LURAP1: variants seen among roughly 807,000 people sequenced by gnomAD.
LURAP1 encodes leucine rich adaptor protein 1.
LURAP1 carries 14 observed loss-of-function variants against 19.0 expected under a neutral mutation model. The ratio of observed to expected loss-of-function variants is 0.74; its 90% CI spans 0.49 to 1.15. The LOEUF (loss-of-function observed/expected upper bound fraction) is 1.15, where lower values mean the gene tolerates loss of function less well. Ranked by LOEUF, LURAP1 falls within the 50% of genes most tolerant of loss-of-function variation. LURAP1 has a pLI of 0.00. For missense variants in LURAP1, 273 were observed against 309.1 expected (o/e 0.88, Z 0.87); for synonymous variants, 129 against 131.8 (o/e 0.98, Z 0.14).
chr1:46,213,888 C>T (rs1301314717), intron 1 of LURAP1, among the ~76,000 whole-genome samples: 1 of 151,884 alleles, frequency 6.6e-6, no homozygotes, highest in African/African-American at 2.4e-5. Flanking sequence ...GACTTTAGAC[C>T]TCCAATTAAA....
rs1158362303 is a variant in LURAP1 at position 46,220,125 on chromosome 1, G to A, written c.625G>A (p.Gly209Arg). Residue 209 changes from glycine to arginine, a missense_variant, in exon 2 of 2, where the codon GGA becomes AGA. Transcript: ENST00000371980. Reference protein sequence around the residue: ...WKPPGERLQGGPPESPEDESA... With the variant: ...WKPPGERLQGRPPESPEDESA... ...GCCCCCAGGGGAGAGGCTTCAAGGT[G>A]GACCACCTGAGTCACCAGAGGATGA... 6.2e-7 allele frequency: 1 copy of A among 1,614,074 alleles called. No homozygotes were observed. Among genetic ancestry groups the A allele is most frequent in the African/African-American group, 1.3e-5 (1 of 74,950 alleles).
intron 1 of LURAP1, among the ~76,000 whole-genome samples, chr1:46,215,485 C>T (rs1659037113): frequency 6.6e-6 from 1 of 152,120 alleles, no homozygotes; most frequent in Non-Finnish European, 1.5e-5. Flanking sequence ...GCTGTAAAAA[C>T]AGAACACTGG....
intron 1 of LURAP1, among the ~76,000 whole-genome samples, chr1:46,209,363 G>C (rs923200758): frequency 1.3e-5 from 2 of 152,014 alleles, no homozygotes; most frequent in Admixed American, 1.3e-4. Flanking sequence ...AGGTCTTAGG[G>C]GTTGGAAGCA....
chr1:46,218,682 A>T (rs1659139230), intron 1 of LURAP1, among the ~76,000 whole-genome samples: 2 of 152,194 alleles, frequency 1.3e-5, no homozygotes, highest in Admixed American at 1.3e-4. Flanking sequence ...TAGGGAAGGT[A>T]ACAGTGCATC....
At chr1:46,206,912 GGAT>G (rs538088015) in intron 1 of LURAP1, among the ~76,000 whole-genome samples, 297 of 152,298 alleles carry the variant, frequency 2.0e-3, no homozygotes, top group African/African-American at 6.9e-3. Context: ...TTCTAGTACA[GGAT>G]GATAAGTGCT....
intron 1 of LURAP1, among the ~76,000 whole-genome samples, chr1:46,211,547 T>C (rs75966046): frequency 0.028 from 4,272 of 152,226 alleles, 78 homozygotes; most frequent in South Asian, 0.044. Flanking sequence ...CTACCATTTA[T>C]TGATTTACAG....
chr1:46,209,537 CTTTTTT>C (rs55948355), intron 1 of LURAP1, among the ~76,000 whole-genome samples: 2 of 139,822 alleles, frequency 1.4e-5, no homozygotes, highest in Non-Finnish European at 3.1e-5. Context: ...TTGTTGTTTT[CTTTTTT>C]TTTTTCTTTT....
intron 1 of LURAP1, among the ~76,000 whole-genome samples, chr1:46,217,577 T>A (rs1382347582): frequency 6.6e-6 from 1 of 152,088 alleles, no homozygotes; most frequent in Non-Finnish European, 1.5e-5. Flanking sequence ...AAATCCTGCC[T>A]GGGCGTGGTG....
chr1:46,204,334 C>T (rs1215622831), intron 1 of LURAP1, among the ~76,000 whole-genome samples: 1 of 152,192 alleles, frequency 6.6e-6, no homozygotes, highest in Non-Finnish European at 1.5e-5. Context: ...CAACCCTCCC[C>T]TTTCTCTATT....
intron 1 of LURAP1, among the ~76,000 whole-genome samples, chr1:46,205,703 A>G (rs563386550): frequency 1.1e-4 from 16 of 152,300 alleles, no homozygotes; most frequent in African/African-American, 3.8e-4. Flanking sequence ...GAAAGGGCAC[A>G]AGGGAGGGAG....
chr1:46,210,201 C>T (rs1658850070), intron 1 of LURAP1, among the ~76,000 whole-genome samples: 1 of 152,106 alleles, frequency 6.6e-6, no homozygotes, highest in South Asian at 2.1e-4. Flanking sequence ...TCCAAAAACA[C>T]AAATAATTTC....
At position 46,220,367 on chromosome 1, in the gene LURAP1, C is replaced by A; in HGVS notation, c.*147C>A. 1 of 794,916 alleles carries A rather than the reference C, an allele frequency of 1.3e-6. No individual in the cohort carries two copies. Among genetic ancestry groups the A allele is most frequent in the Non-Finnish European group, 2.0e-6 (1 of 510,674 alleles). 49.2% of individuals were successfully genotyped at this position (794,916 alleles called of 1,614,324 possible). On this transcript the variant is annotated 3_prime_UTR_variant, in exon 2 of 2. Transcript: ENST00000371980. ...AAACCTGGCTCATCATTTCTCTAGT[C>A]CCTAGGGAGTCTCTGCCTTTATCCC... is the stretch of plus-strand genomic sequence containing the variant.
chr1:46,209,671 C>A (rs1212655103), intron 1 of LURAP1, among the ~76,000 whole-genome samples: 2 of 151,560 alleles, frequency 1.3e-5, no homozygotes, highest in Non-Finnish European at 1.5e-5. Flanking sequence ...CGCCACCACA[C>A]AGCTAATTTT....
intron 1 of LURAP1, among the ~76,000 whole-genome samples, chr1:46,207,919 G>C (rs1455424447): frequency 1.3e-5 from 2 of 151,832 alleles, no homozygotes; most frequent in African/African-American, 4.8e-5. Flanking sequence ...CCAGGCTGGA[G>C]TGCAATGGCG....
intron 1 of LURAP1, among the ~76,000 whole-genome samples, chr1:46,206,195 T>C (rs1332852966): frequency 6.6e-6 from 1 of 152,250 alleles, no homozygotes; most frequent in Non-Finnish European, 1.5e-5. Flanking sequence ...AAGTCTTGGC[T>C]CTGCTTCTGA....
chr1:46,208,613 C>T (rs1250567472), intron 1 of LURAP1, among the ~76,000 whole-genome samples: 2 of 152,062 alleles, frequency 1.3e-5, no homozygotes, highest in East Asian at 1.9e-4. Context: ...GAGGCCGAGG[C>T]GGGCGGATCA....
intron 1 of LURAP1, among the ~76,000 whole-genome samples, chr1:46,216,043 C>CTTT (rs141982741): frequency 0.052 from 4,853 of 92,686 alleles, 55 homozygotes; most frequent in Non-Finnish European, 0.06. Flanking sequence ...TTTATTTTAT[C>CTTT]TTTTTTTTTT....
At chr1:46,213,954 C>T (rs1250018633) in intron 1 of LURAP1, among the ~76,000 whole-genome samples, 1 of 151,966 alleles carries the variant, frequency 6.6e-6, no homozygotes, top group Non-Finnish European at 1.5e-5. Context: ...TTCATACATA[C>T]ACGGTTTCTA....
chr1:46,210,920 G>A (rs955685156), intron 1 of LURAP1, among the ~76,000 whole-genome samples: 1 of 151,078 alleles, frequency 6.6e-6, no homozygotes, highest in African/African-American at 2.4e-5. Context: ...CACTACAGGT[G>A]TGCAATACCA....
Sources: allele counts gnomAD v4.1 joint callset (sites outside exome capture counted in the v4.1 genomes callset), GRCh38; gene constraint gnomAD v4.1.1; transcripts MANE v1.5; gene names NCBI Gene and HGNC (gene_info 2026-07-23, HGNC 2026-07-21).